Variants in CDCP1 observed in about 807,000 individuals in gnomAD.
CDCP1 encodes the protein CUB domain containing protein 1.
Under a neutral mutation model 60.2 loss-of-function variants are expected in CDCP1, and 29 were observed. The ratio of observed to expected loss-of-function variants is 0.48; its 90% CI spans 0.36 to 0.66. The LOEUF is 0.66. Ranked by LOEUF, CDCP1 falls within the 30% of genes least tolerant of loss-of-function variation. The pLI is 0.00. For missense variants in CDCP1, 876 were observed against 1,074.3 expected (o/e 0.82, Z 2.58); for synonymous variants, 387 against 431.1 (o/e 0.90, Z 1.27).
At position 45,110,709 on chromosome 3, in the gene CDCP1, C is replaced by G. The variant is rs765748713; in HGVS notation, c.788G>C (p.Ser263Thr). The change falls in exon 4 of 9, where the codon AGC becomes ACC. Residue 263 changes from serine to threonine, a missense_variant. This residue lies in a region of CDCP1 where 726 missense variants were observed against 935.7 expected (regional missense o/e 0.78). Coordinates refer to ENST00000296129, the MANE Select transcript of CDCP1 (RefSeq NM_022842.5). ...GAGGTTGAAGTTGAGGAAGGAGACG[C>G]TGGCCCGCAGGTGTGCAGGAACGAC... ...QFVVPAHLRA[S>T]VSFLNFNLSN... The G allele has an allele frequency of 1.9e-6, 3 of 1,614,202 alleles. No homozygotes were observed. The highest frequency in any genetic ancestry group is 2.2e-5 in the East Asian group (1 of 44,890).
At chr3:45,087,883 G>C (rs1158664797) in intron 8 of CDCP1, among the ~76,000 whole-genome samples, 1 of 152,152 alleles carries the variant, frequency 6.6e-6, no homozygotes, top group Admixed American at 6.5e-5. Context: ...TTAGCTGGGC[G>C]TGGTGGCGGG....
rs1348734884 is a variant in CDCP1 at position 45,083,459 on chromosome 3, A to C, written c.*2179T>G. 1 of 152,236 alleles carries C rather than the reference A, an allele frequency of 6.6e-6. No individual in the cohort carries two copies. Among genetic ancestry groups the C allele is most frequent in the Non-Finnish European group, 1.5e-5 (1 of 68,042 alleles). The allele number at this position is 152,236 out of a possible 1,614,324, so 9.4% of individuals were successfully genotyped here. ...CATTTCCAAGGTGAATTCATTGAAT[A>C]CAATGAAGTACATTTATTTTTTGAA... On this transcript the variant is annotated 3_prime_UTR_variant, in exon 9 of 9. Coordinates refer to ENST00000296129, the MANE Select transcript of CDCP1 (RefSeq NM_022842.5).
chr3:45,105,447 AC>A (rs1299040277), intron 4 of CDCP1, among the ~76,000 whole-genome samples: 1 of 151,636 alleles, frequency 6.6e-6, no homozygotes, highest in East Asian at 1.9e-4. Context: ...TGCTTCCACA[AC>A]CAGCATTCAC....
Position 45,110,793 on chromosome 3 carries a change from A to G in CDCP1, c.704T>C (p.Leu235Pro), listed in dbSNP as rs1157586458. 6.2e-7 allele frequency: 1 copy of G among 1,614,082 alleles called. No homozygotes were observed. The highest frequency in any genetic ancestry group is 8.5e-7 in the Non-Finnish European group (1 of 1,180,002). Residue 235 changes from leucine to proline, a missense_variant, in exon 4 of 9, where the codon CTG (leucine) becomes CCG (proline). This residue lies in a region of CDCP1 where 726 missense variants were observed against 935.7 expected (regional missense o/e 0.78). Transcript: ENST00000296129. ...GCCTTCTGGGTAGTTGGCAGACATCAGGGTTGCTGAGCCTTCACCCTCAAA... is the reference window on the plus strand; with the variant it reads ...GCCTTCTGGGTAGTTGGCAGACATCGGGGTTGCTGAGCCTTCACCCTCAAA... ...SVFEGEGSAT[L>P]MSANYPEGFP...
At chr3:45,132,945 C>T (rs559365144) in intron 1 of CDCP1, among the ~76,000 whole-genome samples, 4 of 152,298 alleles carry the variant, frequency 2.6e-5, no homozygotes, top group Admixed American at 1.3e-4. Flanking sequence ...CCATGTTGAA[C>T]GGTACTGTTA....
At chr3:45,123,498 G>T (rs1432526214) in intron 1 of CDCP1, among the ~76,000 whole-genome samples, 1 of 152,144 alleles carries the variant, frequency 6.6e-6, no homozygotes, top group African/African-American at 2.4e-5. Context: ...TCACAGCCAA[G>T]GACACATCAC....
rs771063617 is a variant in CDCP1 at position 45,118,548 on chromosome 3, C to T, written c.156G>A (p.Leu52=). The T allele has an allele frequency of 2.5e-6, 4 of 1,614,140 alleles. No homozygotes were observed. The South Asian group carries it at 4.4e-5, about 18-fold the overall frequency. The change falls in exon 2 of 9, where the codon CTG becomes CTA. Residue 52 remains leucine, a synonymous_variant. Transcript: ENST00000296129. ...VLIKLGTPTL[L]AKPCYIVISK... ...AAATGACGATGTAACAGGGTTTTGC[C>T]AGCAGAGTCGGGGTCCCCAGCTTTA...
chr3:45,084,660 C>T lies in CDCP1; in HGVS notation c.*978G>A, dbSNP rs1341987283. ...ACCTTGATTTTCATTCAGGGACATC[C>T]ATTTTGGAATTCTGATCCCCAGGAC... On this transcript the variant is annotated 3_prime_UTR_variant, in exon 9 of 9. Transcript: ENST00000296129. 6.6e-6 allele frequency: 1 copy of T among 152,588 alleles called. No homozygotes were observed. Among genetic ancestry groups the T allele is most frequent in the African/African-American group, 2.4e-5 (1 of 41,430 alleles). The allele number at this position is 152,588 out of a possible 1,614,324, so 9.5% of individuals were successfully genotyped here.
chr3:45,122,262 G>C (rs1698899066), intron 1 of CDCP1, among the ~76,000 whole-genome samples: 1 of 151,098 alleles, frequency 6.6e-6, no homozygotes, highest in African/African-American at 2.4e-5. Flanking sequence ...TCCTGCCTCA[G>C]CCTCCCGAGT....
upstream of CDCP1, chr3:45,146,398 G>T (rs909192940): frequency 1.4e-5 from 13 of 904,400 alleles, no homozygotes; most frequent in Non-Finnish European, 1.9e-5. Context: ...ACCTGCGCGC[G>T]GGCGGACCGG....
intron 4 of CDCP1, among the ~76,000 whole-genome samples, chr3:45,103,969 C>T (rs1033638296): frequency 6.6e-6 from 1 of 152,188 alleles, no homozygotes; most frequent in African/African-American, 2.4e-5. Context: ...TAAGAATCTG[C>T]CAGACAATTC....
rs144022551 is a variant in CDCP1, at chr3:45,085,734, C to T, written c.2415G>A (p.Pro805=). The change falls in exon 9 of 9, where the codon CCG becomes CCA. Residue 805 remains proline (P), a synonymous_variant. Coordinates refer to ENST00000296129, the MANE Select transcript of CDCP1 (RefSeq NM_022842.5). This position sits in a 1 kb window ranked among gnomAD's most constrained non-coding sequence, Gnocchi z 4.2. The part of the protein sequence containing the change: ...PRSPPESESE[P]YTFSHPNNGD... ...CATTGTTGGGATGGGAGAAGGTGTACGGTTCACTCTCAGACTCAGGAGGGG... is the reference window on the plus strand; with the variant it reads ...CATTGTTGGGATGGGAGAAGGTGTATGGTTCACTCTCAGACTCAGGAGGGG... 3.0e-5 allele frequency: 48 copies of T among 1,614,018 alleles called. No individual in the cohort carries two copies. The highest frequency in any genetic ancestry group is 2.1e-4 in the African/African-American group (16 of 74,918).
chr3:45,086,239 T>C (rs756225504), intron 8 of CDCP1, among the ~76,000 whole-genome samples, 172 bp from the exon 9 acceptor site: 36 of 152,218 alleles, frequency 2.4e-4, no homozygotes, highest in Non-Finnish European at 4.3e-4. Flanking sequence ...AGTGAACATT[T>C]AGAAGGGACC....
intron 1 of CDCP1, chr3:45,139,352 C>A (rs1699243846): frequency 6.6e-6 from 1 of 152,278 alleles, no homozygotes. Flanking sequence ...CCCAGCTCAC[C>A]TCGTTAATAA....
At chr3:45,095,198 T>C in intron 5 of CDCP1, 149 bp downstream of exon 5, 1 of 673,760 alleles carries the variant, frequency 1.5e-6, no homozygotes, top group Non-Finnish European at 2.5e-6. Context: ...CCTCCCAAAG[T>C]GCTGGGATTA....
At position 45,110,060 on chromosome 3, in the gene CDCP1, C is replaced by T. The variant is rs577223533; in HGVS notation, c.1024+413G>A. On this transcript the variant is annotated intron_variant, in intron 4 of 8. Coordinates refer to ENST00000296129, the MANE Select transcript of CDCP1 (RefSeq NM_022842.5). Reference sequence around the variant, plus strand: ...TAGCTGAGATTGTGTAAGTGGCGTGCCTAACACAAGATGACATGCAGAGTA... The same window carrying T: ...TAGCTGAGATTGTGTAAGTGGCGTGTCTAACACAAGATGACATGCAGAGTA... 7.9e-5 allele frequency among the ~76,000 whole-genome samples: 12 copies of T among 152,306 alleles called. No homozygotes were observed. The South Asian group carries it at 2.3e-3, about 29-fold the overall frequency.
chr3:45,126,651 C>T (rs914671828), intron 1 of CDCP1, among the ~76,000 whole-genome samples: 5 of 152,276 alleles, frequency 3.3e-5, no homozygotes, highest in Non-Finnish European at 7.4e-5. Context: ...AGAACTAGAA[C>T]ATGAATTGCC....
At chr3:45,109,538 G>A (rs1050808191) in intron 4 of CDCP1, among the ~76,000 whole-genome samples, 1 of 152,174 alleles carries the variant, frequency 6.6e-6, no homozygotes, top group Middle Eastern at 3.4e-3. Flanking sequence ...GAGACCACTT[G>A]CCACAACTCA....
At chr3:45,132,229 C>T (rs1398217452) in intron 1 of CDCP1, among the ~76,000 whole-genome samples, 8 of 120,260 alleles carry the variant, frequency 6.7e-5, no homozygotes, top group Non-Finnish European at 9.4e-5. Flanking sequence ...AGTGAGACTC[C>T]GTCTCAAAAA....
Sources: gnomAD v4.1 joint callset for allele counts (sites outside exome capture counted in the v4.1 genomes callset) on GRCh38, gnomAD v4.1.1 for gene constraint, gnomAD v4.1.1 regional missense constraint, Gnocchi (gnomAD v3.1) non-coding constraint, MANE v1.5 for transcripts, NCBI Gene and HGNC (gene_info 2026-07-23, HGNC 2026-07-21) for gene names.